TOMM40L: variants seen among roughly 807,000 people sequenced by gnomAD.
The protein encoded by TOMM40L is translocase of outer mitochondrial membrane 40 like, also known as mitochondrial import receptor subunit TOM40B.
A neutral mutation model predicts 38.3 loss-of-function variants in TOMM40L; 17 were observed. The observed-to-expected ratio is 0.44, with a 90% CI of 0.30 to 0.67. TOMM40L has a LOEUF of 0.67. Ranked by LOEUF, TOMM40L falls within the 30% of genes least tolerant of loss-of-function variation. The pLI is 0.08. For missense variants in TOMM40L, 294 were observed against 390.0 expected (o/e 0.75, Z 2.07); for synonymous variants, 151 against 150.2 (o/e 1.01, Z -0.04).
Position 161,229,238 on chromosome 1 carries a change from C to A in TOMM40L, c.*143C>A. On this transcript the variant is annotated 3_prime_UTR_variant, in exon 10 of 10. Coordinates refer to ENST00000367988, the MANE Select transcript of TOMM40L (RefSeq NM_032174.6). Reference sequence around the variant, plus strand: ...AGAGTGGTGGACAGGACCATGCCCTCCTCAGAACTGGAGCTGCCACAGGGG... The same window carrying A: ...AGAGTGGTGGACAGGACCATGCCCTACTCAGAACTGGAGCTGCCACAGGGG... 8.2e-7 allele frequency: 1 copy of A among 1,216,172 alleles called. No homozygotes were observed. The highest frequency in any genetic ancestry group is 1.1e-6 in the Non-Finnish European group (1 of 877,810). The allele number at this position is 1,216,172 out of a possible 1,614,324, so 75.3% of individuals were successfully genotyped here.
Position 161,228,419 on chromosome 1 carries a change from A to G in TOMM40L, c.608-9A>G, listed in dbSNP as rs1321530551. 1.2e-6 allele frequency: 2 copies of G among 1,613,754 alleles called. No individual in the cohort carries two copies. The highest frequency in any genetic ancestry group is 2.2e-5 in the East Asian group (1 of 44,862). ...ACACTCCTTCCCCTCTGTACTTTGG[A>G]TTTTACAGCTGTACACTGGGTAGCT... is the stretch of plus-strand genomic sequence containing the variant. On this transcript the variant is annotated splice_polypyrimidine_tract_variant and intron_variant, in intron 7 of 9. Coordinates refer to ENST00000367988, the MANE Select transcript of TOMM40L (RefSeq NM_032174.6).
rs148561890 is a variant in TOMM40L, at chr1:161,228,863, T to C, written c.787+46T>C. 36 of 1,613,764 alleles carry C rather than the reference T, an allele frequency of 2.2e-5. No individual in the cohort carries two copies. In the African/African-American group the frequency reaches 4.3e-4, roughly 19 times the overall value. On this transcript the variant is annotated intron_variant, in intron 9 of 9. Transcript: ENST00000367988. The stretch of plus-strand genomic sequence containing the variant: ...TTTGGCTATCCTGAGGAATGGGGGA[T>C]GCAGAGGAGGGAGGGAAGCTCGACC...
chr1:161,227,859 T>C, intron 5 of TOMM40L, 25 bp from the exon 6 acceptor site: 1 of 1,612,830 alleles, frequency 6.2e-7, no homozygotes, highest in Non-Finnish European at 8.5e-7. Flanking sequence ...GGAGGGAGAT[T>C]TTACTTCTTG....
At chr1:161,227,077 G>C in intron 3 of TOMM40L, 122 bp downstream of exon 3, 1 of 1,314,682 alleles carries the variant, frequency 7.6e-7, no homozygotes, top group Non-Finnish European at 1.1e-6. Context: ...GAGGATGTGG[G>C]GTTCTCTTTA....
chr1:161,228,917 C>G, intron 9 of TOMM40L, 39 bp from the exon 10 acceptor site: 1 of 1,614,014 alleles, frequency 6.2e-7, no homozygotes, highest in Non-Finnish European at 8.5e-7. Flanking sequence ...TCCTCCAATC[C>G]CTGTTAAATA....
At chr1:161,227,534 C>T (rs527532565) in intron 4 of TOMM40L, 102 bp from the exon 5 acceptor site, 2 of 1,108,394 alleles carry the variant, frequency 1.8e-6, no homozygotes, top group East Asian at 2.5e-5. Context: ...CTTTGTGACT[C>T]CACCAGGGGG....
At chr1:161,227,524 C>A in intron 4 of TOMM40L, 112 bp from the exon 5 acceptor site, 1 of 1,066,828 alleles carries the variant, frequency 9.4e-7, no homozygotes, top group Non-Finnish European at 1.4e-6. Context: ...CAGAGTGTGT[C>A]TTTGTGACTC....
chr1:161,226,984 C>CTAT, intron 3 of TOMM40L, 29 bp downstream of exon 3: 4 of 1,612,892 alleles, frequency 2.5e-6, no homozygotes, highest in Non-Finnish European at 3.4e-6. Context: ...CCCCTCCTTA[C>CTAT]TATTCCCCCT....
Position 161,227,756 on chromosome 1 carries a change from T to G in TOMM40L, c.378+19T>G. 1 of 1,611,958 alleles carries G rather than the reference T, an allele frequency of 6.2e-7. No homozygotes were observed. Among genetic ancestry groups the G allele is most frequent in the Non-Finnish European group, 8.5e-7 (1 of 1,178,806 alleles). ...CTTCCAGGTGACCACAGTTCCTGCC[T>G]CCATCCCCTGAGGCACTTCCTCTTT... On this transcript the variant is annotated intron_variant, in intron 5 of 9. Transcript: ENST00000367988.
At position 161,229,843 on chromosome 1, in the gene TOMM40L, T is replaced by C; in HGVS notation, c.*748T>C. On this transcript the variant is annotated 3_prime_UTR_variant, in exon 10 of 10. Transcript: ENST00000367988. ...CAGCGGCATCATGGCAGACAGGCCC[T>C]GGATGTGCTGGATTTGGTACCCGTA... The C allele has an allele frequency of 6.2e-7, 1 of 1,614,168 alleles. No individual in the cohort carries two copies.
intron 5 of TOMM40L, 39 bp from the exon 6 acceptor site, chr1:161,227,845 A>G (rs766921710): frequency 1.7e-5 from 27 of 1,609,748 alleles, no homozygotes; most frequent in Non-Finnish European, 2.1e-5. Flanking sequence ...ATGATCATAA[A>G]GAGGGAGGGA....
At chr1:161,226,262 G>A in intron 1 of TOMM40L, 93 bp from the exon 2 acceptor site, 3 of 529,142 alleles carry the variant, frequency 5.7e-6, no homozygotes, top group Non-Finnish European at 1.0e-5. Context: ...GGACAAGGGT[G>A]ACAAGTGGGG....
Position 161,229,822 on chromosome 1 carries a change from G to C in TOMM40L, c.*727G>C, listed in dbSNP as rs758748494. 3 of 1,614,208 alleles carry C rather than the reference G, an allele frequency of 1.9e-6. No individual in the cohort carries two copies. The East Asian group carries it at 6.7e-5, about 36-fold the overall frequency. On this transcript the variant is annotated 3_prime_UTR_variant, in exon 10 of 10. Coordinates refer to ENST00000367988, the MANE Select transcript of TOMM40L (RefSeq NM_032174.6). Reference sequence around the variant, plus strand: ...TCAGCTGCAGATCTCCTGGAGCAGCGGCATCATGGCAGACAGGCCCTGGAT... The same window carrying C: ...TCAGCTGCAGATCTCCTGGAGCAGCCGCATCATGGCAGACAGGCCCTGGAT...
At chr1:161,226,182 A>C in intron 1 of TOMM40L, 46 bp downstream of exon 1, 5 of 285,242 alleles carry the variant, frequency 1.8e-5, no homozygotes, top group Non-Finnish European at 2.7e-5. Flanking sequence ...GGGCCTGGGA[A>C]TGAAGAATAG....
In TOMM40L at chr1:161,226,392, G is replaced by A; in HGVS notation, c.-98G>A. 9.4e-7 allele frequency: 1 copy of A among 1,059,314 alleles called. No homozygotes were observed. Among genetic ancestry groups the A allele is most frequent in the Non-Finnish European group, 1.4e-6 (1 of 732,584 alleles). 65.6% of individuals were successfully genotyped at this position (1,059,314 alleles called of 1,614,324 possible). A position where few individuals can be genotyped will look rare whatever the true frequency, so the allele number is the denominator to read the frequency against. On this transcript the variant is annotated 5_prime_UTR_variant, in exon 2 of 10. Transcript: ENST00000367988. ...ACCATGTGGAAGTTTCTGAGGCTGGGGAGCCGGATAATGGGGGGTGGGGCC... is the reference window on the plus strand; with the variant it reads ...ACCATGTGGAAGTTTCTGAGGCTGGAGAGCCGGATAATGGGGGGTGGGGCC...
In TOMM40L at chr1:161,227,224, T is replaced by G. The variant is rs189046498; in HGVS notation, c.184-34T>G. On this transcript the variant is annotated intron_variant, in intron 3 of 9. Transcript: ENST00000367988. The stretch of plus-strand genomic sequence containing the variant: ...ATGAGGGATTGAAGTGGAGCAGGAA[T>G]GCGCTTTTCTCCACTGAATCCTCTT... The G allele has an allele frequency of 4.4e-6, 7 of 1,591,990 alleles. No individual in the cohort carries two copies. In the African/African-American group the frequency reaches 6.7e-5, roughly 15 times the overall value.
rs140603657 is a variant in TOMM40L at position 161,227,684 on chromosome 1, G to A, written c.325G>A (p.Ala109Thr). 8 of 1,613,312 alleles carry A rather than the reference G, an allele frequency of 5.0e-6. No homozygotes were observed. The highest frequency in any genetic ancestry group is 1.8e-4 in the Middle Eastern group (1 of 5,536). ...GDMDSSGSLN[A>T]QVLLLLAERL... ...TATGGACAGCAGTGGCAGCCTGAAC[G>A]CCCAGGTCTTGCTCCTCTTGGCAGA... The change falls in exon 5 of 10, where the codon GCC (alanine) becomes ACC (threonine). Residue 109 changes from alanine to threonine, a missense_variant. Transcript: ENST00000367988.
At chr1:161,227,097 CTGTGGGACTTGTTGCTTTTAATCCGA>C in intron 3 of TOMM40L, 135 bp from the exon 4 acceptor site, 1 of 1,204,116 alleles carries the variant, frequency 8.3e-7, no homozygotes, top group Non-Finnish European at 1.2e-6. Context: ...ACCTCCGTGC[CTGTGGGACTTGTTGCTTTTAATCCGA>C]TGACCTTCTC....
Position 161,229,757 on chromosome 1 carries a change from G to T in TOMM40L, c.*662G>T, listed in dbSNP as rs781617937. 5 of 1,614,120 alleles carry T rather than the reference G, an allele frequency of 3.1e-6. No homozygotes were observed. In the African/African-American group the frequency reaches 5.3e-5, roughly 17 times the overall value. On this transcript the variant is annotated 3_prime_UTR_variant, in exon 10 of 10. Transcript: ENST00000367988. ...GCATTTTCCCACTCCAGTGTATCCA[G>T]GGTGTTCCAGGTGAGCTGGGGAAGG...
Sources: allele counts gnomAD v4.1 joint callset, GRCh38; gene constraint gnomAD v4.1.1; transcripts MANE v1.5; gene names NCBI Gene and HGNC (gene_info 2026-07-23, HGNC 2026-07-21).